The following SH3RF3 variants were observed in gnomAD, a reference collection of about 807,000 sequenced individuals.
SH3RF3 encodes the protein SH3 domain containing ring finger 3.
In SH3RF3, 29 loss-of-function variants were observed where a neutral mutation model predicts 66.3. That is an observed-to-expected ratio of 0.44 (90% CI 0.33 to 0.60). SH3RF3 has a LOEUF of 0.60. SH3RF3 is among the 20% of genes least tolerant of loss of function. The probability of loss-of-function intolerance (pLI) is 0.04; values close to 1 mark genes in which losing one functional copy is unlikely to be tolerated. For missense variants in SH3RF3, 1,194 were observed against 1,190.9 expected, an observed-to-expected ratio of 1.00 and a Z score of -0.04; for synonymous variants, 583 against 532.0, an observed-to-expected ratio of 1.10 and a Z score of -1.32.
intron 6 of SH3RF3, 119 bp downstream of exon 6, chr2:109,432,790 A>C (rs956242531): frequency 1.3e-5 from 18 of 1,357,282 alleles, no homozygotes; most frequent in Non-Finnish European, 1.6e-5. Flanking sequence ...CAAGGCCACC[A>C]GTGCCCAGGG....
At chr2:109,337,230 T>C (rs1007443180) in intron 1 of SH3RF3, among the ~76,000 whole-genome samples, 5 of 152,246 alleles carry the variant, frequency 3.3e-5, no homozygotes, top group African/African-American at 1.2e-4. Flanking sequence ...CCTTTGGACC[T>C]ATCTGTATTG....
chr2:109,171,946 C>A (rs72944100), intron 1 of SH3RF3, among the ~76,000 whole-genome samples: 4,185 of 152,330 alleles, frequency 0.027, 172 homozygotes, highest in African/African-American at 0.094. Flanking sequence ...TCCCTCCTTT[C>A]GCTGTGGTGA....
intron 1 of SH3RF3, among the ~76,000 whole-genome samples, chr2:109,210,619 C>G (rs1224951815): frequency 6.6e-6 from 1 of 152,136 alleles, no homozygotes; most frequent in Non-Finnish European, 1.5e-5. Flanking sequence ...AGGGAAGTGC[C>G]TGGGCCTGGT....
At chr2:109,443,282 G>A (rs1677619353) in intron 7 of SH3RF3, among the ~76,000 whole-genome samples, 1 of 152,370 alleles carries the variant, frequency 6.6e-6, no homozygotes, top group South Asian at 2.1e-4. Context: ...CCAGAGCTGG[G>A]ATTCAAATAC....
At chr2:109,281,241 G>A (rs1680885886) in intron 1 of SH3RF3, among the ~76,000 whole-genome samples, 1 of 152,238 alleles carries the variant, frequency 6.6e-6, no homozygotes, top group Admixed American at 6.5e-5. Flanking sequence ...GGCACACTTA[G>A]GGGCACAAAC....
intron 8 of SH3RF3, among the ~76,000 whole-genome samples, chr2:109,455,611 C>T (rs1328915633): frequency 6.6e-6 from 1 of 152,178 alleles, no homozygotes; most frequent in Non-Finnish European, 1.5e-5. Flanking sequence ...CTGAAGAAAT[C>T]TTGAGGATGA....
intron 1 of SH3RF3, among the ~76,000 whole-genome samples, chr2:109,201,469 T>C (rs1678673797): frequency 6.6e-6 from 1 of 152,100 alleles, no homozygotes; most frequent in Non-Finnish European, 1.5e-5. Flanking sequence ...CCCACCTCTC[T>C]CTCTCTTATC....
rs185247874 is a variant in SH3RF3, at chr2:109,223,528, G to A, written c.573+93415G>A. 2.7e-3 allele frequency among the ~76,000 whole-genome samples: 417 copies of A among 152,350 alleles called. 4 individuals carry two copies. The highest frequency in any genetic ancestry group is 9.6e-3 in the African/African-American group (399 of 41,572). ...GGCTGGAAATGAGCAGAATGGAAGC[G>A]TAGGAAGGGCTTGAGGGGTGTGGGC... On this transcript the variant is annotated intron_variant, in intron 1 of 9. Transcript: ENST00000309415.
At chr2:109,184,448 G>A (rs1044119679) in intron 1 of SH3RF3, among the ~76,000 whole-genome samples, 1 of 152,218 alleles carries the variant, frequency 6.6e-6, no homozygotes, top group African/African-American at 2.4e-5. Flanking sequence ...CTGTGGCGGG[G>A]CCCTGGGGGA....
chr2:109,295,521 CT>C (rs978300330), intron 1 of SH3RF3, among the ~76,000 whole-genome samples: 5 of 152,184 alleles, frequency 3.3e-5, no homozygotes, highest in Admixed American at 1.3e-4. Context: ...CTTTGTCCTT[CT>C]TGTGAAGAAG....
At chr2:109,402,597 C>G (rs549522150) in intron 4 of SH3RF3, among the ~76,000 whole-genome samples, 5 of 152,354 alleles carry the variant, frequency 3.3e-5, no homozygotes, top group Admixed American at 2.6e-4. Flanking sequence ...GCAGCCAGTC[C>G]CCTGCCTCTC....
intron 1 of SH3RF3, among the ~76,000 whole-genome samples, chr2:109,275,878 C>T (rs1054389346): frequency 2.6e-5 from 4 of 152,240 alleles, no homozygotes; most frequent in African/African-American, 9.6e-5. Context: ...TTTTTGAGTC[C>T]ACTCTAGGTT....
chr2:109,297,615 A>G (rs1574557514), intron 1 of SH3RF3, among the ~76,000 whole-genome samples: 1 of 128,022 alleles, frequency 7.8e-6, no homozygotes, highest in Admixed American at 8.3e-5. Context: ...CTGGGTCAGT[A>G]CCCTCTACCC....
chr2:109,344,608 G>T (rs564568573), intron 1 of SH3RF3, among the ~76,000 whole-genome samples: 10 of 152,324 alleles, frequency 6.6e-5, no homozygotes, highest in African/African-American at 2.2e-4. Context: ...AGGCTGATGG[G>T]CCAGGAGACC....
At chr2:109,218,424 G>A (rs1679151699) in intron 1 of SH3RF3, among the ~76,000 whole-genome samples, 2 of 152,138 alleles carry the variant, frequency 1.3e-5, no homozygotes, top group African/African-American at 4.8e-5. Flanking sequence ...AAAATGTTAT[G>A]CTTAACAAAA....
intron 8 of SH3RF3, among the ~76,000 whole-genome samples, chr2:109,463,760 A>G (rs1050673223): frequency 1.3e-5 from 2 of 152,222 alleles, no homozygotes; most frequent in Non-Finnish European, 2.9e-5. Flanking sequence ...TTTTAGGAAC[A>G]TGCTAAGACC....
chr2:109,343,565 G>A (rs1435173745), intron 1 of SH3RF3, among the ~76,000 whole-genome samples: 3 of 152,034 alleles, frequency 2.0e-5, no homozygotes, highest in Admixed American at 2.0e-4. Context: ...AGGCAAACAG[G>A]CCCCACCTGA....
chr2:109,410,832 C>G (rs937062968), intron 4 of SH3RF3, among the ~76,000 whole-genome samples: 7 of 141,972 alleles, frequency 4.9e-5, no homozygotes, highest in African/African-American at 1.9e-4. Flanking sequence ...CTGCACTTGG[C>G]TTTGAAGTCG....
chr2:109,271,448 G>A (rs770894754), intron 1 of SH3RF3, among the ~76,000 whole-genome samples: 33 of 152,184 alleles, frequency 2.2e-4, no homozygotes, highest in Non-Finnish European at 4.3e-4. Context: ...TTCAACAATG[G>A]ATACAGACCA....
Sources: allele counts gnomAD v4.1 joint callset (sites outside exome capture counted in the v4.1 genomes callset), GRCh38; gene constraint gnomAD v4.1.1; transcripts MANE v1.5; gene names NCBI Gene and HGNC (gene_info 2026-07-23, HGNC 2026-07-21).